POLR3B: variants seen among roughly 807,000 people sequenced by gnomAD.
POLR3B encodes RNA polymerase III subunit B, also known as DNA-directed RNA polymerase III subunit RPC2.
Under a neutral mutation model 147.4 loss-of-function variants are expected in POLR3B, and 96 were observed. That is an observed-to-expected ratio of 0.65 (90% CI 0.55 to 0.77). POLR3B has a LOEUF of 0.77. POLR3B is among the 30% of genes least tolerant of loss of function. The pLI, the probability that POLR3B is intolerant of heterozygous loss-of-function variation, is 0.00. For missense variants in POLR3B, 1,036 were observed against 1,413.5 expected (o/e 0.73, Z 4.28); for synonymous variants, 461 against 485.9 (o/e 0.95, Z 0.67).
chr12:106,431,010 C>T (rs1435298012), intron 14 of POLR3B, among the ~76,000 whole-genome samples: 1 of 152,146 alleles, frequency 6.6e-6, no homozygotes, highest in South Asian at 2.1e-4. Flanking sequence ...GGTCCTTTCT[C>T]CTTTGTGTTA....
intron 23 of POLR3B, among the ~76,000 whole-genome samples, chr12:106,490,000 C>T (rs2038387202): frequency 6.6e-6 from 1 of 152,162 alleles, no homozygotes; most frequent in South Asian, 2.1e-4. Context: ...TCCAGCAGCT[C>T]TTACTTTAAT....
At chr12:106,388,475 G>A (rs563936763) in intron 9 of POLR3B, among the ~76,000 whole-genome samples, 32 of 152,154 alleles carry the variant, frequency 2.1e-4, no homozygotes, top group African/African-American at 7.2e-4. Flanking sequence ...GCACCACCAC[G>A]CCCAGCTAAT....
chr12:106,425,237 C>A (rs551589429), intron 12 of POLR3B, among the ~76,000 whole-genome samples: 1 of 152,274 alleles, frequency 6.6e-6, no homozygotes, highest in South Asian at 2.1e-4. Context: ...CCTGTGGTAT[C>A]TGGCCCCTGC....
intron 10 of POLR3B, among the ~76,000 whole-genome samples, chr12:106,398,155 G>A (rs2037006949): frequency 6.6e-6 from 1 of 152,194 alleles, no homozygotes; most frequent in African/African-American, 2.4e-5. Flanking sequence ...TTTCCCAACG[G>A]GCTTAAGAAA....
At chr12:106,445,288 C>T (rs1342399222) in intron 19 of POLR3B, among the ~76,000 whole-genome samples, 1 of 152,192 alleles carries the variant, frequency 6.6e-6, no homozygotes, top group Non-Finnish European at 1.5e-5. Flanking sequence ...ACAAATAAAA[C>T]AGTAACGCAA....
At chr12:106,365,804 A>G (rs911058507) in intron 2 of POLR3B, among the ~76,000 whole-genome samples, 95 of 151,932 alleles carry the variant, frequency 6.3e-4, no homozygotes, top group Middle Eastern at 3.4e-3. Flanking sequence ...CGTTGCAGTG[A>G]GCCGAGATCG....
intron 19 of POLR3B, among the ~76,000 whole-genome samples, chr12:106,450,068 A>G (rs1331523479): frequency 6.6e-6 from 1 of 152,218 alleles, no homozygotes; most frequent in African/African-American, 2.4e-5. Context: ...ATTGGCATCA[A>G]GAGTCCAGAA....
intron 1 of POLR3B, 169 bp downstream of exon 1, chr12:106,358,120 C>A: frequency 6.7e-7 from 1 of 1,487,360 alleles, no homozygotes; most frequent in South Asian, 1.3e-5. Context: ...CAGAGCCGGC[C>A]TCCGCGTGCG....
chr12:106,410,805 T>A (rs368820895), intron 11 of POLR3B, 21 bp from the exon 12 acceptor site: 2 of 1,611,806 alleles, frequency 1.2e-6, no homozygotes, highest in Admixed American at 3.3e-5. Context: ...TCAAAATTTT[T>A]CTCCAATTTC....
At chr12:106,444,707 A>C in intron 19 of POLR3B, 117 bp downstream of exon 19, 1 of 1,079,826 alleles carries the variant, frequency 9.3e-7, no homozygotes, top group East Asian at 2.6e-5. Context: ...CACTGGGAAC[A>C]CCTGAGGGTT....
rs1422364004 is a variant in POLR3B, at chr12:106,430,480, A to G, written c.1464+7A>G. The G allele has an allele frequency of 1.2e-6, 2 of 1,608,706 alleles. No homozygotes were observed. Among genetic ancestry groups the G allele is most frequent in the Admixed American group, 3.3e-5 (2 of 59,962 alleles). On this transcript the variant is annotated splice_region_variant and intron_variant, in intron 14 of 27. Coordinates refer to ENST00000228347, the MANE Select transcript of POLR3B (RefSeq NM_018082.6). ...GGACACTCCTGAAGGAGAGGTAAGGAATCTGAGGAGTCTTGATGCTGTGTA... is the reference window on the plus strand; with the variant it reads ...GGACACTCCTGAAGGAGAGGTAAGGGATCTGAGGAGTCTTGATGCTGTGTA...
At chr12:106,430,565 C>T in intron 14 of POLR3B, 92 bp downstream of exon 14, 1 of 913,574 alleles carries the variant, frequency 1.1e-6, no homozygotes, top group African/African-American at 1.6e-5. Flanking sequence ...CTGTTCCCAT[C>T]TCCAGGCCAT....
Position 106,496,936 on chromosome 12 carries a change from C to A in POLR3B, c.2984+18C>A. The A allele has an allele frequency of 6.2e-7, 1 of 1,610,950 alleles. No individual in the cohort carries two copies. Among genetic ancestry groups the A allele is most frequent in the Non-Finnish European group, 8.5e-7 (1 of 1,177,942 alleles). ...ATCACAGGGTAAGCATGCGATTGAG[C>A]TATTTTAAAGAAAAAGAATGGTTTT... On this transcript the variant is annotated intron_variant, in intron 25 of 27. Coordinates refer to ENST00000228347, the MANE Select transcript of POLR3B (RefSeq NM_018082.6).
intron 6 of POLR3B, among the ~76,000 whole-genome samples, chr12:106,372,504 A>T (rs1464028279): frequency 2.0e-5 from 3 of 148,980 alleles, no homozygotes; most frequent in Admixed American, 6.7e-5. Context: ...CGCCTGGCTA[A>T]TTTTTTTTTT....
At chr12:106,380,411 C>CAA (rs147457953) in intron 9 of POLR3B, among the ~76,000 whole-genome samples, 9 of 98,990 alleles carry the variant, frequency 9.1e-5, no homozygotes, top group South Asian at 3.2e-4. Context: ...CCATCTCTAC[C>CAA]AAAAAAAAAA....
intron 12 of POLR3B, among the ~76,000 whole-genome samples, chr12:106,413,044 A>T (rs538535238): frequency 2.0e-5 from 3 of 152,198 alleles, no homozygotes; most frequent in East Asian, 3.9e-4. Context: ...CATATATCAG[A>T]TATATGATTT....
intron 15 of POLR3B, among the ~76,000 whole-genome samples, chr12:106,432,732 G>T (rs577982092): frequency 2.8e-4 from 42 of 152,272 alleles, no homozygotes; most frequent in African/African-American, 9.4e-4. Flanking sequence ...CTCCCCTTTT[G>T]CAGTTGCTGG....
At chr12:106,443,751 C>T (rs769556557) in intron 18 of POLR3B, among the ~76,000 whole-genome samples, 1 of 152,282 alleles carries the variant, frequency 6.6e-6, no homozygotes, top group East Asian at 1.9e-4. Context: ...GACCTACTGA[C>T]CTCAAGTGAT....
chr12:106,447,398 G>C (rs1311502093), intron 19 of POLR3B, among the ~76,000 whole-genome samples: 2 of 152,140 alleles, frequency 1.3e-5, no homozygotes, highest in Admixed American at 1.3e-4. Context: ...CCAGCAGAGG[G>C]TGTTTTTTAA....
Sources: gnomAD v4.1 joint callset for allele counts (sites outside exome capture counted in the v4.1 genomes callset) on GRCh38, gnomAD v4.1.1 for gene constraint, MANE v1.5 for transcripts, NCBI Gene and HGNC (gene_info 2026-07-23, HGNC 2026-07-21) for gene names.